The following MGAT4C variants were observed in gnomAD, a reference collection of about 807,000 sequenced individuals.
The protein encoded by MGAT4C is MGAT4 family member C, also known as alpha-1,3-mannosyl-glycoprotein 4-beta-N-acetylglucosaminyltransferase C.
Under a neutral mutation model 40.1 loss-of-function variants are expected in MGAT4C, and 19 were observed. That is an observed-to-expected ratio of 0.47 (90% CI 0.33 to 0.70). MGAT4C has a LOEUF of 0.70. Among genes scored for constraint, MGAT4C ranks in the 30% least tolerant of loss-of-function variants. The probability of loss-of-function intolerance (pLI) is 0.02; values close to 1 mark genes in which losing one functional copy is unlikely to be tolerated. For synonymous variants in MGAT4C, 181 were observed against 187.1 expected, an observed-to-expected ratio of 0.97 and a Z score of 0.27; for missense variants, 491 against 563.2, an observed-to-expected ratio of 0.87 and a Z score of 1.30.
intron 2 of MGAT4C, among the ~76,000 whole-genome samples, chr12:86,721,603 A>G (rs1360744512): frequency 6.6e-6 from 1 of 152,146 alleles, no homozygotes; most frequent in Non-Finnish European, 1.5e-5. Context: ...ACTATCATTT[A>G]TCTGCCTTAC....
chr12:85,962,426 A>G lies in MGAT4C; in HGVS notation c.*16863T>C, dbSNP rs1208927079. 3 of 147,890 alleles carry G rather than the reference A, an allele frequency of 2.0e-5. No homozygotes were observed. Among genetic ancestry groups the G allele is most frequent in the African/African-American group, 7.3e-5 (3 of 40,856 alleles). 9.2% of individuals were successfully genotyped at this position (147,890 alleles called of 1,614,324 possible). A position where few individuals can be genotyped will look rare whatever the true frequency, so the allele number is the denominator to read the frequency against. On this transcript the variant is annotated 3_prime_UTR_variant, in exon 5 of 5. Coordinates refer to ENST00000611864, the MANE Select transcript of MGAT4C (RefSeq NM_001351288.2). ...ATTAATTATATAATTATATAATTAT[A>G]TAAAATTTTATAATTAATTATAAAA... is the stretch of plus-strand genomic sequence containing the variant.
chr12:86,501,253 C>T (rs1344187187), intron 2 of MGAT4C, among the ~76,000 whole-genome samples: 1 of 151,920 alleles, frequency 6.6e-6, no homozygotes, highest in Admixed American at 6.6e-5. Flanking sequence ...TAGAAGATAA[C>T]AAAGGAAATT....
intron 3 of MGAT4C, among the ~76,000 whole-genome samples, chr12:86,359,036 A>C (rs552941302): frequency 4.6e-5 from 7 of 152,340 alleles, no homozygotes; most frequent in African/African-American, 1.4e-4. Context: ...TCTTCTCAGC[A>C]GCACATTACA....
chr12:86,768,050 T>G (rs990830996), intron 1 of MGAT4C, among the ~76,000 whole-genome samples: 1 of 152,144 alleles, frequency 6.6e-6, no homozygotes, highest in Non-Finnish European at 1.5e-5. Flanking sequence ...TAAAGAGTAT[T>G]CAATTAGGAA....
At chr12:86,690,404 C>T (rs1363127243) in intron 2 of MGAT4C, among the ~76,000 whole-genome samples, 2 of 152,180 alleles carry the variant, frequency 1.3e-5, no homozygotes, top group African/African-American at 2.4e-5. Context: ...GACCAAACAG[C>T]CGCCAGTTTT....
chr12:86,043,911 G>T (rs1892134049), intron 2 of MGAT4C, among the ~76,000 whole-genome samples: 1 of 152,208 alleles, frequency 6.6e-6, no homozygotes, highest in Admixed American at 6.5e-5. Flanking sequence ...CATTGCTGGG[G>T]AACCAGCGTG....
chr12:86,251,913 T>C (rs1030799847), intron 1 of MGAT4C, among the ~76,000 whole-genome samples: 1 of 152,080 alleles, frequency 6.6e-6, no homozygotes, highest in Non-Finnish European at 1.5e-5. Flanking sequence ...CATTAAAAAG[T>C]ACTGTTGTCC....
At chr12:85,981,696 C>G (rs994482682) in intron 4 of MGAT4C, among the ~76,000 whole-genome samples, 1 of 152,076 alleles carries the variant, frequency 6.6e-6, no homozygotes, top group South Asian at 2.1e-4. Context: ...TTTGCTATTA[C>G]CATCATTCTG....
chr12:86,118,119 T>C (rs1236090722), intron 1 of MGAT4C, among the ~76,000 whole-genome samples: 3 of 152,174 alleles, frequency 2.0e-5, no homozygotes, highest in Admixed American at 2.0e-4. Context: ...CCAGGATACA[T>C]GAATAACATT....
At chr12:86,107,554 T>C (rs939225322) in intron 1 of MGAT4C, among the ~76,000 whole-genome samples, 1 of 152,190 alleles carries the variant, frequency 6.6e-6, no homozygotes, top group Non-Finnish European at 1.5e-5. Context: ...ACAAAAGATG[T>C]CAATATAAAA....
intron 1 of MGAT4C, among the ~76,000 whole-genome samples, chr12:86,765,742 C>G (rs1225760759): frequency 6.6e-6 from 1 of 152,090 alleles, no homozygotes; most frequent in African/African-American, 2.4e-5. Flanking sequence ...ATATTCAACC[C>G]AGAATTTCAT....
chr12:86,746,781 T>C (rs1951160513), intron 1 of MGAT4C, among the ~76,000 whole-genome samples: 1 of 151,602 alleles, frequency 6.6e-6, no homozygotes. Flanking sequence ...ACCTTAGGTA[T>C]CTTTTCTGAG....
At chr12:86,711,343 T>C (rs1950553669) in intron 2 of MGAT4C, among the ~76,000 whole-genome samples, 1 of 152,072 alleles carries the variant, frequency 6.6e-6, no homozygotes, top group Admixed American at 6.6e-5. Context: ...TAGCTGCCAG[T>C]ACCAGGAGCT....
intron 1 of MGAT4C, among the ~76,000 whole-genome samples, chr12:86,077,578 G>A (rs980266653): frequency 6.6e-6 from 1 of 152,178 alleles, no homozygotes; most frequent in Admixed American, 6.5e-5. Context: ...AGCTGGTATT[G>A]ATGACTACTT....
At chr12:86,005,883 A>AT (rs1887822538) in intron 2 of MGAT4C, among the ~76,000 whole-genome samples, 2 of 152,148 alleles carry the variant, frequency 1.3e-5, no homozygotes, top group South Asian at 4.1e-4. Flanking sequence ...GTTATCTTTG[A>AT]TAAAAAATAA....
At chr12:86,552,670 T>C (rs1959424014) in intron 2 of MGAT4C, among the ~76,000 whole-genome samples, 1 of 152,006 alleles carries the variant, frequency 6.6e-6, no homozygotes, top group Non-Finnish European at 1.5e-5. Flanking sequence ...AATTTAAAAA[T>C]ATACAATCAA....
intron 1 of MGAT4C, among the ~76,000 whole-genome samples, chr12:86,199,224 C>A (rs779762504): frequency 6.6e-6 from 1 of 151,872 alleles, no homozygotes; most frequent in Non-Finnish European, 1.5e-5. Flanking sequence ...TAAGGATGCT[C>A]GTGGAATCCT....
At position 85,978,671 on chromosome 12, in the gene MGAT4C, T is replaced by C. The variant is rs1212190639; in HGVS notation, c.*618A>G. 4 of 151,954 alleles carry C rather than the reference T, an allele frequency of 2.6e-5. No individual in the cohort carries two copies. Among genetic ancestry groups the C allele is most frequent in the Admixed American group, 2.0e-4 (3 of 15,166 alleles). The allele number at this position is 151,954 out of a possible 1,614,324, so 9.4% of individuals were successfully genotyped here. ...TGCTCAATTAAATGTTTTTAAACAA[T>C]GAACAATATCCCCTTTCATATAAAT... On this transcript the variant is annotated 3_prime_UTR_variant, in exon 5 of 5. Coordinates refer to ENST00000611864, the MANE Select transcript of MGAT4C (RefSeq NM_001351288.2).
chr12:86,825,944 A>C (rs556959569), intron 1 of MGAT4C, among the ~76,000 whole-genome samples: 1 of 151,608 alleles, frequency 6.6e-6, no homozygotes, highest in East Asian at 1.9e-4. Flanking sequence ...AAGAGACTGT[A>C]GTATAAGGAC....
Sources: allele counts gnomAD v4.1 joint callset (sites outside exome capture counted in the v4.1 genomes callset), GRCh38; gene constraint gnomAD v4.1.1; transcripts MANE v1.5; gene names NCBI Gene and HGNC (gene_info 2026-07-23, HGNC 2026-07-21).